TENM3: variants seen among roughly 807,000 people sequenced by gnomAD.
The protein encoded by TENM3 is teneurin transmembrane protein 3.
Under a neutral mutation model 255.1 loss-of-function variants are expected in TENM3, and 63 were observed. The ratio of observed to expected loss-of-function variants is 0.25; its 90% CI spans 0.20 to 0.30. The LOEUF is 0.30. TENM3 is among the 10% of genes least tolerant of loss of function. TENM3 has a pLI of 1.00. For synonymous variants in TENM3, 1,306 were observed against 1,322.3 expected (o/e 0.99, Z 0.27); for missense variants, 2,929 against 3,461.1 (o/e 0.85, Z 3.86).
At chr4:182,720,536 G>C (rs1759634332) in intron 13 of TENM3, among the ~76,000 whole-genome samples, 1 of 152,120 alleles carries the variant, frequency 6.6e-6, no homozygotes, top group South Asian at 2.1e-4. Flanking sequence ...CCTACCTAAA[G>C]TAAGAAGGAG....
At chr4:181,792,749 G>A in the TENM3 span, among the ~76,000 whole-genome samples, 6 of 152,060 alleles carry the variant, frequency 3.9e-5, no homozygotes, top group Non-Finnish European at 4.4e-5. Flanking sequence ...TGTCAAATTT[G>A]CACTTGTTTT....
chr4:182,538,853 G>A (rs1481421252), intron 3 of TENM3, among the ~76,000 whole-genome samples: 1 of 151,962 alleles, frequency 6.6e-6, no homozygotes. Flanking sequence ...TTTCTGAAAG[G>A]GGGTATGCTA....
intron 3 of TENM3, among the ~76,000 whole-genome samples, chr4:182,376,309 A>C (rs542424468): frequency 6.6e-6 from 1 of 152,272 alleles, no homozygotes. Context: ...GCCCATAATA[A>C]ACAGAGTATA....
At chr4:181,606,805 C>T in the TENM3 span, among the ~76,000 whole-genome samples, 1 of 151,964 alleles carries the variant, frequency 6.6e-6, no homozygotes, top group African/African-American at 2.4e-5. Context: ...TCTAATGAGG[C>T]CTCATAGCCA....
the TENM3 span, among the ~76,000 whole-genome samples, chr4:182,013,130 T>C: frequency 4.5e-4 from 68 of 152,222 alleles, no homozygotes; most frequent in Admixed American, 1.1e-3. Context: ...TGGGTGTGTT[T>C]AATTCCGAAA....
chr4:182,149,262 C>T (rs1383173289), intron 1 of TENM3, among the ~76,000 whole-genome samples: 3 of 151,870 alleles, frequency 2.0e-5, no homozygotes, highest in African/African-American at 7.2e-5. Context: ...TTATTTTACA[C>T]AAGTGCTAGA....
intron 3 of TENM3, among the ~76,000 whole-genome samples, chr4:182,507,298 G>T (rs1376876244): frequency 6.6e-6 from 1 of 152,120 alleles, no homozygotes; most frequent in Non-Finnish European, 1.5e-5. Flanking sequence ...ATAACATTAG[G>T]TCCCATAATC....
At chr4:181,584,811 G>T in the TENM3 span, among the ~76,000 whole-genome samples, 1 of 152,090 alleles carries the variant, frequency 6.6e-6, no homozygotes, top group Non-Finnish European at 1.5e-5. Flanking sequence ...GAACATGGGT[G>T]CCTAATGAAC....
the TENM3 span, among the ~76,000 whole-genome samples, chr4:181,836,931 G>C: frequency 8.6e-5 from 13 of 152,034 alleles, no homozygotes; most frequent in East Asian, 2.5e-3. Flanking sequence ...TTTAATATCT[G>C]TTAATAAAGT....
At chr4:182,399,926 G>C (rs1769111612) in intron 3 of TENM3, among the ~76,000 whole-genome samples, 1 of 151,994 alleles carries the variant, frequency 6.6e-6, no homozygotes, top group Non-Finnish European at 1.5e-5. Context: ...TGAAATTTAT[G>C]AATTAACTGG....
At chr4:181,691,665 C>A in the TENM3 span, among the ~76,000 whole-genome samples, 1 of 152,082 alleles carries the variant, frequency 6.6e-6, no homozygotes, top group Non-Finnish European at 1.5e-5. Context: ...GTTGCGAGAA[C>A]TAGTGTGACC....
chr4:181,575,746 T>C, the TENM3 span, among the ~76,000 whole-genome samples: 29,126 of 152,190 alleles, frequency 0.19, 3,026 homozygotes, highest in Non-Finnish European at 0.24. Flanking sequence ...CCTTTTTCTT[T>C]AGAATTTCAA....
chr4:182,220,378 C>CAAAAAAAAAAAAA (rs60851113), intron 1 of TENM3, among the ~76,000 whole-genome samples: 2 of 77,500 alleles, frequency 2.6e-5, no homozygotes, highest in Non-Finnish European at 4.5e-5. Flanking sequence ...CTCTGTCTCA[C>CAAAAAAAAAAAAA]AAAAAAAAAA....
chr4:182,111,189 CTTTTTTTTTT>C, the TENM3 span, among the ~76,000 whole-genome samples: 1 of 80,524 alleles, frequency 1.2e-5, no homozygotes, highest in African/African-American at 5.3e-5. Context: ...GTCTTCTTCT[CTTTTTTTTTT>C]TTTTTTTTTT....
At chr4:182,591,402 T>G (rs1036997502) in intron 3 of TENM3, among the ~76,000 whole-genome samples, 1 of 152,212 alleles carries the variant, frequency 6.6e-6, no homozygotes, top group East Asian at 1.9e-4. Context: ...TAATACCTTC[T>G]AGGCAGTTTA....
intron 4 of TENM3, among the ~76,000 whole-genome samples, chr4:182,625,387 C>T (rs193090311): frequency 2.6e-5 from 4 of 152,198 alleles, no homozygotes; most frequent in Admixed American, 1.3e-4. Context: ...GGAGCACAAA[C>T]GCTGTTGTGA....
At chr4:182,075,765 T>C in the TENM3 span, among the ~76,000 whole-genome samples, 10 of 152,176 alleles carry the variant, frequency 6.6e-5, no homozygotes, top group African/African-American at 2.4e-4. Flanking sequence ...CACTCAAGGC[T>C]CTGCATAGTG....
At chr4:182,571,020 G>A (rs773643138) in intron 3 of TENM3, among the ~76,000 whole-genome samples, 17 of 152,008 alleles carry the variant, frequency 1.1e-4, no homozygotes, top group African/African-American at 3.6e-4. Flanking sequence ...ATTCATATTC[G>A]GGGGATGATT....
At chr4:182,664,883 G>A (rs1185007049) in intron 6 of TENM3, among the ~76,000 whole-genome samples, 1 of 152,192 alleles carries the variant, frequency 6.6e-6, no homozygotes, top group African/African-American at 2.4e-5. Context: ...GTTAGCAAAG[G>A]TTGGTTCATG....
Sources: allele counts gnomAD v4.1 joint callset (sites outside exome capture counted in the v4.1 genomes callset), GRCh38; gene constraint gnomAD v4.1.1; transcripts MANE v1.5; gene names NCBI Gene and HGNC (gene_info 2026-07-23, HGNC 2026-07-21).